The following ZNF282 variants were observed in gnomAD, a reference collection of about 807,000 sequenced individuals.
ZNF282 encodes zinc finger protein 282, also known as HTLV-I U5 repressive element-binding protein 1.
In ZNF282, 30 loss-of-function variants were observed where a neutral mutation model predicts 61.9. The ratio of observed to expected loss-of-function variants is 0.48; its 90% CI spans 0.36 to 0.66. ZNF282 has a LOEUF of 0.66. ZNF282 is among the 30% of genes least tolerant of loss of function. The pLI, the probability that ZNF282 is intolerant of heterozygous loss-of-function variation, is 0.00. For synonymous variants in ZNF282, 396 were observed against 405.0 expected, an observed-to-expected ratio of 0.98 and a Z score of 0.27; for missense variants, 788 against 941.4, an observed-to-expected ratio of 0.84 and a Z score of 2.13.
rs1796318085 is a variant in ZNF282 at position 149,224,171 on chromosome 7, C to G, written c.1540C>G (p.Arg514Gly). ...GCGGAGCCTCCTCCTGCACGGCGCCCGCAGCAAGCCCTACTCGTGCCCCGA... is the reference window on the plus strand; with the variant it reads ...GCGGAGCCTCCTCCTGCACGGCGCCGGCAGCAAGCCCTACTCGTGCCCCGA... ...LRRSLLLHGA[R>G]SKPYSCPECG... Residue 514 changes from arginine (R) to glycine (G), a missense_variant, in exon 8 of 8, where the codon CGC becomes GGC. Arg to Gly is a moderately radical substitution (Grantham distance 125). Around this residue, in one of 3 missense-constraint regions of ZNF282, gnomAD observed 559 missense variants for 642.0 expected, o/e 0.87. Transcript: ENST00000610704. 6 of 1,592,194 alleles carry G rather than the reference C, an allele frequency of 3.8e-6. No individual in the cohort carries two copies. Among genetic ancestry groups the G allele is most frequent in the Non-Finnish European group, 5.1e-6 (6 of 1,174,308 alleles).
intron 6 of ZNF282, 120 bp from the exon 7 acceptor site, chr7:149,213,581 A>T: frequency 1.4e-6 from 1 of 700,290 alleles, no homozygotes; most frequent in Non-Finnish European, 2.5e-6. Flanking sequence ...GAAATGCAAC[A>T]CCGATACCAA....
rs1294588661 is a variant in ZNF282, at chr7:149,198,517, G to C, written c.350G>C (p.Ser117Thr). The C allele has an allele frequency of 3.7e-6, 6 of 1,614,076 alleles. No individual in the cohort carries two copies. In the African/African-American group the frequency reaches 5.3e-5, roughly 14 times the overall value. The change falls in exon 2 of 8, where the codon AGC becomes ACC. Residue 117 changes from serine to threonine, a missense_variant. By Grantham distance (58) the Ser-to-Thr change is moderately conservative. Coordinates refer to ENST00000610704, the MANE Select transcript of ZNF282 (RefSeq NM_003575.4). This position sits in a 1 kb window ranked among gnomAD's most constrained non-coding sequence, Gnocchi z 4.3. ...GAGAGGAAGGTGGATGCCCAGGCCA[G>C]CCAGCTGCTGAACCTGGAGGGGCGC... Reference protein sequence around the residue: ...AVERKVDAQASQLLNLEGRTG... With the variant: ...AVERKVDAQATQLLNLEGRTG...
rs1197021827 is a variant in ZNF282 at position 149,224,798 on chromosome 7, C to A, written c.*151C>A. ...GTCCCCCAGGGTGGGGCAGGGATCC[C>A]CCAGATCTGTCTGGTCTGAATGGAC... On this transcript the variant is annotated 3_prime_UTR_variant, in exon 8 of 8. Transcript: ENST00000610704. 8 of 1,329,800 alleles carry A rather than the reference C, an allele frequency of 6.0e-6. No homozygotes were observed. Among genetic ancestry groups the A allele is most frequent in the Non-Finnish European group, 8.0e-6 (8 of 1,004,434 alleles). The allele number at this position is 1,329,800 out of a possible 1,614,324, so 82.4% of individuals were successfully genotyped here.
rs1795846611 is a variant in ZNF282 at position 149,198,081 on chromosome 7, C to T, written c.166-252C>T. Among the ~76,000 whole-genome samples, 1 of 152,204 alleles carries T rather than the reference C, an allele frequency of 6.6e-6. No homozygotes were observed. The highest frequency in any genetic ancestry group is 6.5e-5 in the Admixed American group (1 of 15,282). On this transcript the variant is annotated intron_variant, in intron 1 of 7. Transcript: ENST00000610704. This position sits in a 1 kb window ranked among gnomAD's most constrained non-coding sequence, Gnocchi z 4.3. ...TTTTAGGCAGGGGTTGCAGCCTTAA[C>T]TTGCTAAGGGTCAATGTGGGTGAAC...
rs779871143 is a variant in ZNF282 at position 149,198,303 on chromosome 7, T to C, written c.166-30T>C. On this transcript the variant is annotated intron_variant, in intron 1 of 7. Transcript: ENST00000610704. The surrounding 1 kb of genome is among the most constrained non-coding windows in gnomAD (Gnocchi z 4.3). ...CCCCGGCTCACACAAGGTCTCATCC[T>C]GGGTTGTCGCTTTCTCCCTCTGCAT... 1.8e-5 allele frequency: 29 copies of C among 1,571,240 alleles called. No homozygotes were observed. The highest frequency in any genetic ancestry group is 2.2e-5 in the Non-Finnish European group (26 of 1,156,288).
chr7:149,218,202 C>T (rs375440286), intron 7 of ZNF282, among the ~76,000 whole-genome samples: 5 of 151,316 alleles, frequency 3.3e-5, no homozygotes, highest in East Asian at 2.0e-4. Context: ...AGTGGATTGG[C>T]GGGGGGTGCG....
chr7:149,211,533 A>G (rs1796085208), intron 5 of ZNF282, among the ~76,000 whole-genome samples: 1 of 152,160 alleles, frequency 6.6e-6, no homozygotes, highest in Non-Finnish European at 1.5e-5. Flanking sequence ...TTCAAATCTC[A>G]TCTAAAAATA....
rs144221533 is a variant in ZNF282 at position 149,206,815 on chromosome 7, G to A, written c.705G>A (p.Met235Ile). Residue 235 changes from methionine (M) to isoleucine (I), a missense_variant, in exon 3 of 8, where the codon ATG (methionine) becomes ATA (isoleucine). By Grantham distance (10) the Met-to-Ile change is conservative. This residue lies in a region of ZNF282 where 559 missense variants were observed against 642.0 expected (regional missense o/e 0.87). Transcript: ENST00000610704. ...TTAAGGAGAACTACAAAACCCTCAT[G>A]TCCCTGGGTAAGGACACCTTCTCTC... The part of the protein sequence containing the change: ...NLVKENYKTL[M>I]SLDAEGSVPK... 1.9e-6 allele frequency: 3 copies of A among 1,614,098 alleles called. No individual in the cohort carries two copies. The highest frequency in any genetic ancestry group is 2.5e-6 in the Non-Finnish European group (3 of 1,180,028).
chr7:149,220,803 G>T (rs76646792), intron 7 of ZNF282, among the ~76,000 whole-genome samples: 10 of 152,272 alleles, frequency 6.6e-5, no homozygotes, highest in East Asian at 3.9e-4. Flanking sequence ...CATGGGTTGG[G>T]GGGGAGGGGC....
At chr7:149,208,447 C>T (rs1209843573) in intron 4 of ZNF282, among the ~76,000 whole-genome samples, 1 of 151,946 alleles carries the variant, frequency 6.6e-6, no homozygotes, top group Non-Finnish European at 1.5e-5. Context: ...AAGTGATCCA[C>T]CCGCCTCGGC....
At position 149,224,047 on chromosome 7, in the gene ZNF282, CGGGGGCGGCGGGGGCGAT is replaced by C. The variant is rs1181022342; in HGVS notation, c.1425_1442del (p.Asp478_Gly483del). On this transcript the variant is annotated inframe_deletion, in exon 8 of 8. Transcript: ENST00000610704. ...CGCCGCCGGGTGGGGACCGCAGCAC[CGGGGGCGGCGGGGGCGAT>C]GGGGGCGGTGGGGGCGGCGGCGCGG... 3 of 1,058,128 alleles carry C rather than the reference CGGGGGCGGCGGGGGCGAT, an allele frequency of 2.8e-6. No homozygotes were observed. The highest frequency in any genetic ancestry group is 3.5e-6 in the Non-Finnish European group (3 of 849,722). The allele number at this position is 1,058,128 out of a possible 1,614,324, so 65.5% of individuals were successfully genotyped here.
chr7:149,212,472 G>A lies in ZNF282; in HGVS notation c.1066+1G>A. ...GATATTCCCACGGATCCCAATTCAG[G>A]TGAGAACAAGGTCAGAATGAATCTT... On this transcript the variant is annotated splice_donor_variant, in intron 6 of 7. Coordinates refer to ENST00000610704, the MANE Select transcript of ZNF282 (RefSeq NM_003575.4). LOFTEE classifies it high-confidence loss of function. 6.2e-7 allele frequency: 1 copy of A among 1,606,626 alleles called. No individual in the cohort carries two copies. Among genetic ancestry groups the A allele is most frequent in the Non-Finnish European group, 8.5e-7 (1 of 1,175,222 alleles).
chr7:149,215,230 T>A (rs896733680), intron 7 of ZNF282, among the ~76,000 whole-genome samples: 12 of 126,510 alleles, frequency 9.5e-5, no homozygotes, highest in Non-Finnish European at 1.7e-4. Flanking sequence ...TGAGACAGAG[T>A]CTCACTCTGC....
intron 2 of ZNF282, among the ~76,000 whole-genome samples, chr7:149,205,332 G>C (rs1795975795): frequency 6.6e-6 from 1 of 152,152 alleles, no homozygotes. Context: ...CAGCTACTCG[G>C]GAGGCTGAGG....
intron 7 of ZNF282, among the ~76,000 whole-genome samples, chr7:149,219,805 T>G (rs1796209742): frequency 6.6e-6 from 1 of 151,904 alleles, no homozygotes. Context: ...AGAGATTGTG[T>G]CACTGCACTC....
At position 149,198,382 on chromosome 7, in the gene ZNF282, C is replaced by T. The variant is rs753560268; in HGVS notation, c.215C>T (p.Pro72Leu). 5 of 1,614,078 alleles carry T rather than the reference C, an allele frequency of 3.1e-6. No homozygotes were observed. The highest frequency in any genetic ancestry group is 4.2e-6 in the Non-Finnish European group (5 of 1,179,956). Residue 72 changes from proline (P) to leucine (L), a missense_variant, in exon 2 of 8, where the codon CCA (proline) becomes CTA (leucine). Coordinates refer to ENST00000610704, the MANE Select transcript of ZNF282 (RefSeq NM_003575.4). This position sits in a 1 kb window ranked among gnomAD's most constrained non-coding sequence, Gnocchi z 4.3. Reference protein sequence around the residue: ...DARRPMPFQFPPFPDRAPVFP... With the variant: ...DARRPMPFQFLPFPDRAPVFP... ...CGGCGGCCAATGCCTTTTCAGTTCCCACCCTTTCCAGATAGGGCACCTGTC... is the reference window on the plus strand; with the variant it reads ...CGGCGGCCAATGCCTTTTCAGTTCCTACCCTTTCCAGATAGGGCACCTGTC...
At position 149,212,404 on chromosome 7, in the gene ZNF282, G is replaced by A; in HGVS notation, c.999G>A (p.Glu333=). Residue 333 remains glutamate (E), a synonymous_variant, in exon 6 of 8, where the codon GAG becomes GAA. Coordinates refer to ENST00000610704, the MANE Select transcript of ZNF282 (RefSeq NM_003575.4). ...AQDLLSRIKQ[E]EHQCVWDQQD... is the part of the protein sequence containing the mutation. ...ACCTCTTGTCCCGGATTAAACAGGA[G>A]GAGCATCAGTGCGTGTGGGATCAGC... 1 of 1,612,822 alleles carries A rather than the reference G, an allele frequency of 6.2e-7. No individual in the cohort carries two copies. Among genetic ancestry groups the A allele is most frequent in the South Asian group, 1.1e-5 (1 of 90,786 alleles).
intron 2 of ZNF282, among the ~76,000 whole-genome samples, chr7:149,204,624 G>T (rs543201412): frequency 7.7e-4 from 118 of 152,304 alleles, no homozygotes; most frequent in African/African-American, 2.8e-3. Flanking sequence ...GAGCTTGCCG[G>T]CGCCTACCTG....
At chr7:149,220,193 G>A (rs1796221008) in intron 7 of ZNF282, among the ~76,000 whole-genome samples, 2 of 152,160 alleles carry the variant, frequency 1.3e-5, no homozygotes, top group South Asian at 4.1e-4. Context: ...CGGATCCTGA[G>A]GTCAGGAGAT....
Sources: allele counts gnomAD v4.1 joint callset (sites outside exome capture counted in the v4.1 genomes callset), GRCh38; gene constraint gnomAD v4.1.1; regional missense constraint gnomAD v4.1.1; non-coding constraint Gnocchi (gnomAD v3.1); transcripts MANE v1.5; gene names NCBI Gene and HGNC (gene_info 2026-07-23, HGNC 2026-07-21).